ANK3: variants seen among roughly 807,000 people sequenced by gnomAD.
ANK3 encodes ankyrin-3.
Under a neutral mutation model 370.9 loss-of-function variants are expected in ANK3, and 57 were observed. The ratio of observed to expected loss-of-function variants is 0.15; its 90% CI spans 0.12 to 0.19. The LOEUF is 0.19. ANK3 is among the 10% of genes least tolerant of loss of function. The pLI is 1.00. For missense variants in ANK3, 4,439 were observed against 5,302.1 expected (o/e 0.84, Z 5.06); for synonymous variants, 1,929 against 1,946.3 (o/e 0.99, Z 0.23).
intron 25 of ANK3, 73 bp from the exon 26 acceptor site, chr10:60,114,404 A>G: frequency 1.4e-6 from 1 of 698,284 alleles, no homozygotes; most frequent in Non-Finnish European, 2.3e-6. Context: ...CATATAAAAT[A>G]TATTTGTATT....
intron 2 of ANK3, among the ~76,000 whole-genome samples, chr10:60,515,949 T>G (rs868075656): frequency 2.0e-5 from 3 of 152,176 alleles, no homozygotes; most frequent in Admixed American, 6.6e-5. Context: ...AATCCAGAGC[T>G]TGCAATCTAG....
intron 4 of ANK3, among the ~76,000 whole-genome samples, chr10:60,275,619 C>T (rs898995396): frequency 4.6e-5 from 7 of 152,086 alleles, no homozygotes; most frequent in African/African-American, 1.7e-4. Context: ...TGAACCATAA[C>T]CAAAGTCCCA....
intron 4 of ANK3, among the ~76,000 whole-genome samples, chr10:60,277,220 A>G (rs895870158): frequency 2.0e-5 from 3 of 152,226 alleles, no homozygotes; most frequent in African/African-American, 7.2e-5. Context: ...CTGTGAACCC[A>G]TAAAACAGAG....
At chr10:60,090,416 A>G (rs911146119) in intron 28 of ANK3, among the ~76,000 whole-genome samples, 4 of 152,244 alleles carry the variant, frequency 2.6e-5, no homozygotes, top group African/African-American at 9.6e-5. Flanking sequence ...CCAGAAGCCT[A>G]AAAGCATAAT....
intron 41 of ANK3, among the ~76,000 whole-genome samples, chr10:60,058,722 T>C (rs1476445025): frequency 6.6e-6 from 1 of 152,216 alleles, no homozygotes; most frequent in African/African-American, 2.4e-5. Flanking sequence ...CAGTAATGTT[T>C]ATATTTCTAA....
intron 28 of ANK3, among the ~76,000 whole-genome samples, chr10:60,103,217 T>C (rs1348181912): frequency 6.6e-6 from 1 of 152,090 alleles, no homozygotes; most frequent in Non-Finnish European, 1.5e-5. Flanking sequence ...CCCAAAGTGC[T>C]GGGATTACAG....
rs1386935517 is a variant in ANK3, at chr10:60,086,846, A to C, written c.3579T>G (p.Leu1193=). 31 of 1,613,544 alleles carry C rather than the reference A, an allele frequency of 1.9e-5. No individual in the cohort carries two copies. Among genetic ancestry groups the C allele is most frequent in the Non-Finnish European group, 2.5e-5 (30 of 1,179,986 alleles). The change falls in exon 30 of 44, where the codon CTT becomes CTG. Residue 1193 remains leucine, a synonymous_variant. Coordinates refer to ENST00000280772, the MANE Select transcript of ANK3 (RefSeq NM_020987.5). ...TTGGGCTAAAAGTTGCTTTGTTTCC[A>C]AGGATCTTTTTCACAATTTCATCTG... ...PVPDEIVKKI[L]GNKATFSPIV...
At chr10:60,331,130 T>A (rs1318055214) in intron 1 of ANK3, among the ~76,000 whole-genome samples, 2 of 137,282 alleles carry the variant, frequency 1.5e-5, no homozygotes, top group African/African-American at 2.7e-5. Context: ...GTCGGGGGCA[T>A]GGGGAGGGGG....
chr10:60,170,870 A>G (rs2132308890), intron 21 of ANK3, among the ~76,000 whole-genome samples: 1 of 152,256 alleles, frequency 6.6e-6, no homozygotes, highest in African/African-American at 2.4e-5. Flanking sequence ...TGAGAAAGCC[A>G]TTTACATTCA....
chr10:60,421,974 G>T (rs559070975), intron 2 of ANK3, among the ~76,000 whole-genome samples: 2 of 152,096 alleles, frequency 1.3e-5, no homozygotes, highest in East Asian at 1.9e-4. Flanking sequence ...AAAACTAAGG[G>T]TATAAAAATT....
At chr10:60,051,992 T>G (rs1237679736) in intron 42 of ANK3, among the ~76,000 whole-genome samples, 1 of 152,158 alleles carries the variant, frequency 6.6e-6, no homozygotes, top group East Asian at 1.9e-4. Flanking sequence ...GAAAGAGGCA[T>G]AATATTTTGG....
At chr10:60,225,059 A>T (rs895960754) in intron 8 of ANK3, among the ~76,000 whole-genome samples, 1 of 151,980 alleles carries the variant, frequency 6.6e-6, no homozygotes, top group Non-Finnish European at 1.5e-5. Context: ...GATTACAGGC[A>T]TGCCCCACCA....
At chr10:60,294,072 T>C (rs907846549) in intron 1 of ANK3, among the ~76,000 whole-genome samples, 2 of 152,140 alleles carry the variant, frequency 1.3e-5, no homozygotes, top group Non-Finnish European at 2.9e-5. Context: ...ATTTTATATA[T>C]AGCAACTGAA....
intron 2 of ANK3, among the ~76,000 whole-genome samples, chr10:60,414,281 C>T (rs890576771): frequency 3.9e-5 from 6 of 152,156 alleles, no homozygotes; most frequent in Non-Finnish European, 8.8e-5. Flanking sequence ...TAACCCACTT[C>T]CTGCTGGGGA....
intron 1 of ANK3, among the ~76,000 whole-genome samples, chr10:60,302,333 T>C (rs2043992173): frequency 6.6e-6 from 1 of 152,134 alleles, no homozygotes; most frequent in Admixed American, 6.6e-5. Context: ...AAATATTATG[T>C]TGAACCATAT....
chr10:60,458,508 T>C (rs1489373436), intron 2 of ANK3, among the ~76,000 whole-genome samples: 1 of 152,040 alleles, frequency 6.6e-6, no homozygotes, highest in Non-Finnish European at 1.5e-5. Context: ...TCATATACAA[T>C]GGTTGTATGT....
intron 1 of ANK3, among the ~76,000 whole-genome samples, chr10:60,298,795 G>C (rs1453137979): frequency 6.6e-6 from 1 of 152,130 alleles, no homozygotes; most frequent in African/African-American, 2.4e-5. Context: ...TAAAAGGCCA[G>C]AACTCTTCAG....
chr10:60,491,946 G>A (rs1015811252), intron 2 of ANK3, among the ~76,000 whole-genome samples: 12 of 152,030 alleles, frequency 7.9e-5, no homozygotes, highest in African/African-American at 2.2e-4. Flanking sequence ...TGATATATAC[G>A]GTCATGCACT....
chr10:60,553,454 A>AT (rs1191988712), intron 2 of ANK3, among the ~76,000 whole-genome samples: 2 of 152,294 alleles, frequency 1.3e-5, no homozygotes, highest in Non-Finnish European at 1.5e-5. Context: ...TTCATAATAT[A>AT]TTTTTAATAA....
Sources: gnomAD v4.1 joint callset for allele counts (sites outside exome capture counted in the v4.1 genomes callset) on GRCh38, gnomAD v4.1.1 for gene constraint, MANE v1.5 for transcripts, NCBI Gene and HGNC (gene_info 2026-07-23, HGNC 2026-07-21) for gene names.